The following ZC3H12B variants were observed in gnomAD, a reference collection of about 807,000 sequenced individuals.
ZC3H12B encodes the protein zinc finger CCCH-type containing 12B.
A neutral mutation model predicts 43.9 loss-of-function variants in ZC3H12B; 7 were observed. That is an observed-to-expected ratio of 0.16 (90% CI 0.09 to 0.30). The LOEUF is 0.30. Ranked by LOEUF, ZC3H12B falls within the 10% of genes least tolerant of loss-of-function variation. The pLI is 1.00. For missense variants in ZC3H12B, 475 were observed against 670.2 expected (o/e 0.71, Z 3.22); for synonymous variants, 222 against 241.7 (o/e 0.92, Z 0.76).
the ZC3H12B span, among the ~76,000 whole-genome samples, chrX:65,077,479 T>G: frequency 3.6e-5 from 4 of 112,100 alleles, no homozygotes; most frequent in Admixed American, 2.8e-4. Flanking sequence ...AGTGTCCTAG[T>G]TGTGGATCAG....
the ZC3H12B span, among the ~76,000 whole-genome samples, chrX:65,170,136 C>A: frequency 2.7e-5 from 3 of 111,963 alleles, no homozygotes; most frequent in Non-Finnish European, 5.6e-5. Context: ...CACCAATGAT[C>A]TTTACAATTT....
the ZC3H12B span, among the ~76,000 whole-genome samples, chrX:65,079,674 T>G: frequency 5.3e-5 from 6 of 112,648 alleles, no homozygotes; most frequent in African/African-American, 1.9e-4. Flanking sequence ...GGGCTTGGGT[T>G]GCCCACAAAA....
chrX:65,352,795 AC>A, the ZC3H12B span, among the ~76,000 whole-genome samples: 1 of 111,873 alleles, frequency 8.9e-6, no homozygotes, highest in African/African-American at 3.3e-5. Flanking sequence ...AGTATTTGAA[AC>A]TTTTTCACCA....
chrX:65,059,024 C>A, the ZC3H12B span, among the ~76,000 whole-genome samples: 5 of 112,142 alleles, frequency 4.5e-5, no homozygotes, highest in Non-Finnish European at 7.5e-5. Flanking sequence ...TTGCATTTCC[C>A]GGGTGTGGTG....
intron 1 of ZC3H12B, among the ~76,000 whole-genome samples, chrX:65,367,223 A>C (rs2066185149): frequency 8.9e-6 from 1 of 112,013 alleles, no homozygotes; most frequent in Non-Finnish European, 1.9e-5. Context: ...TCTCAGGAGC[A>C]GATATAGGTA....
the ZC3H12B span, among the ~76,000 whole-genome samples, chrX:65,235,604 G>A: frequency 9.0e-6 from 1 of 111,149 alleles, no homozygotes; most frequent in South Asian, 3.8e-4. Context: ...CTTGCCTGCT[G>A]TGGCTCTGCA....
At chrX:65,430,589 C>T (rs776140715) in intron 3 of ZC3H12B, among the ~76,000 whole-genome samples, 18 of 100,678 alleles carry the variant, frequency 1.8e-4, no homozygotes, top group Middle Eastern at 5.3e-3. Context: ...TGAGAACATG[C>T]GGTGTTTGGT....
chrX:65,251,952 G>A, the ZC3H12B span, among the ~76,000 whole-genome samples: 5 of 111,593 alleles, frequency 4.5e-5, no homozygotes, highest in Admixed American at 9.5e-5. Context: ...GATTGCCCTG[G>A]CCAGAACTTC....
chrX:65,121,798 C>G, the ZC3H12B span, among the ~76,000 whole-genome samples: 2 of 110,563 alleles, frequency 1.8e-5, no homozygotes, highest in African/African-American at 6.6e-5. Flanking sequence ...GTATTTCCCT[C>G]TACTCACTGC....
At chrX:65,119,104 A>G in the ZC3H12B span, among the ~76,000 whole-genome samples, 1 of 111,402 alleles carries the variant, frequency 9.0e-6, no homozygotes, top group African/African-American at 3.3e-5. Flanking sequence ...GTGCTGCAGT[A>G]AACATACGTG....
chrX:65,325,396 A>C, the ZC3H12B span, among the ~76,000 whole-genome samples: 1 of 111,881 alleles, frequency 8.9e-6, no homozygotes, highest in Non-Finnish European at 1.9e-5. Flanking sequence ...CAAATTTAGT[A>C]AAGTTTCAGG....
intron 3 of ZC3H12B, among the ~76,000 whole-genome samples, chrX:65,472,418 TTTTG>T (rs1294885489): frequency 4.5e-5 from 5 of 110,425 alleles, no homozygotes; most frequent in Admixed American, 2.0e-4. Context: ...GTTTGTTTGT[TTTTG>T]TTTGTTTGTC....
chrX:65,437,707 C>T (rs777323840), intron 3 of ZC3H12B, among the ~76,000 whole-genome samples: 4 of 105,892 alleles, frequency 3.8e-5, no homozygotes, highest in South Asian at 7.5e-4. Context: ...CTCTTCACTT[C>T]GTTGACTCTT....
At chrX:65,085,465 A>T in the ZC3H12B span, among the ~76,000 whole-genome samples, 1 of 111,385 alleles carries the variant, frequency 9.0e-6, no homozygotes, top group Admixed American at 9.6e-5. Context: ...GTTTTGTGGT[A>T]TTTTGTTTTT....
At chrX:65,069,716 C>T in the ZC3H12B span, among the ~76,000 whole-genome samples, 1 of 111,764 alleles carries the variant, frequency 8.9e-6, no homozygotes, top group Admixed American at 9.5e-5. Flanking sequence ...TCATGTGATG[C>T]TTGTCCTTAG....
the ZC3H12B span, among the ~76,000 whole-genome samples, chrX:65,230,616 A>G: frequency 3.6e-5 from 4 of 110,344 alleles, no homozygotes; most frequent in Non-Finnish European, 7.6e-5. Flanking sequence ...AGCGCCAAAA[A>G]AAAAAAAAAA....
At chrX:65,141,558 TG>T in the ZC3H12B span, among the ~76,000 whole-genome samples, 5 of 109,413 alleles carry the variant, frequency 4.6e-5, no homozygotes, top group African/African-American at 1.7e-4. Context: ...GGGGAACAAG[TG>T]GTGTTTGGTT....
chrX:65,423,803 G>T (rs754039872), intron 3 of ZC3H12B, among the ~76,000 whole-genome samples: 1 of 111,767 alleles, frequency 8.9e-6, no homozygotes, highest in African/African-American at 3.2e-5. Flanking sequence ...TCTGTAGGTT[G>T]TCTGTTCACT....
the ZC3H12B span, among the ~76,000 whole-genome samples, chrX:65,249,736 G>C: frequency 9.3e-6 from 1 of 107,481 alleles, no homozygotes; most frequent in Non-Finnish European, 1.9e-5. Flanking sequence ...TCTTTCATCA[G>C]TGTTTTATAG....
Sources: allele counts gnomAD v4.1 joint callset (sites outside exome capture counted in the v4.1 genomes callset), GRCh38; gene constraint gnomAD v4.1.1; transcripts MANE v1.5; gene names NCBI Gene and HGNC (gene_info 2026-07-23, HGNC 2026-07-21).